Variants in PDGFC observed in about 807,000 individuals in gnomAD.
PDGFC encodes platelet-derived growth factor C.
In PDGFC, 12 loss-of-function variants were observed where a neutral mutation model predicts 35.5. The ratio of observed to expected loss-of-function variants is 0.34; its 90% confidence interval spans 0.22 to 0.55. PDGFC has a LOEUF of 0.55. PDGFC is among the 20% of genes least tolerant of loss of function. The pLI, the probability that PDGFC is intolerant of heterozygous loss-of-function variation, is 0.91. For synonymous variants in PDGFC, 159 were observed against 148.8 expected (o/e 1.07, Z -0.50); for missense variants, 322 against 412.4 (o/e 0.78, Z 1.90).
chr4:156,845,554 T>C (rs573093261), intron 2 of PDGFC, among the ~76,000 whole-genome samples: 2 of 151,914 alleles, frequency 1.3e-5, no homozygotes, highest in African/African-American at 2.4e-5. Flanking sequence ...CTCAGTAAGG[T>C]ATAAATGATT....
intron 2 of PDGFC, among the ~76,000 whole-genome samples, chr4:156,831,303 T>C (rs1172437974): frequency 7.5e-6 from 1 of 133,950 alleles, no homozygotes; most frequent in Non-Finnish European, 1.7e-5. Context: ...TAAATATAAG[T>C]ATACCTAATT....
intron 1 of PDGFC, among the ~76,000 whole-genome samples, chr4:156,956,788 A>C (rs879464354): frequency 6.6e-6 from 1 of 152,088 alleles, no homozygotes; most frequent in Non-Finnish European, 1.5e-5. Context: ...GTGAAGGAAT[A>C]ATATTTAAGC....
At chr4:156,809,071 G>T (rs1731853080) in intron 3 of PDGFC, among the ~76,000 whole-genome samples, 1 of 151,840 alleles carries the variant, frequency 6.6e-6, no homozygotes, top group Non-Finnish European at 1.5e-5. Context: ...TTAATTACAA[G>T]AACTCCTATG....
intron 4 of PDGFC, among the ~76,000 whole-genome samples, chr4:156,768,661 A>T (rs1730608228): frequency 6.6e-6 from 1 of 152,000 alleles, no homozygotes; most frequent in Admixed American, 6.6e-5. Flanking sequence ...TAACTAAACT[A>T]AACTCCTTCA....
At chr4:156,941,775 A>G (rs1304422278) in intron 1 of PDGFC, among the ~76,000 whole-genome samples, 2 of 152,142 alleles carry the variant, frequency 1.3e-5, no homozygotes, top group Non-Finnish European at 2.9e-5. Context: ...AAGATACCAT[A>G]TATTCGTTGA....
At chr4:156,879,469 G>A (rs1730191580) in intron 1 of PDGFC, among the ~76,000 whole-genome samples, 1 of 152,088 alleles carries the variant, frequency 6.6e-6, no homozygotes, top group Non-Finnish European at 1.5e-5. Flanking sequence ...TTAGTAAGAA[G>A]CCTAACAGTG....
chr4:156,843,200 C>T (rs534833022), intron 2 of PDGFC, among the ~76,000 whole-genome samples: 1 of 152,256 alleles, frequency 6.6e-6, no homozygotes, highest in African/African-American at 2.4e-5. Context: ...CACAAGAGAT[C>T]CCTCACCCAT....
At chr4:156,855,226 T>C (rs547672859) in intron 1 of PDGFC, among the ~76,000 whole-genome samples, 1 of 152,126 alleles carries the variant, frequency 6.6e-6, no homozygotes, top group Non-Finnish European at 1.5e-5. Context: ...ATATTTATTA[T>C]GGGTGAAAGA....
At chr4:156,865,866 G>T (rs568834635) in intron 1 of PDGFC, among the ~76,000 whole-genome samples, 1 of 152,256 alleles carries the variant, frequency 6.6e-6, no homozygotes, top group East Asian at 1.9e-4. Flanking sequence ...GCATAAAATA[G>T]ATTTAATTTG....
intron 1 of PDGFC, among the ~76,000 whole-genome samples, chr4:156,911,237 C>T (rs1731032297): frequency 6.6e-6 from 1 of 152,102 alleles, no homozygotes; most frequent in African/African-American, 2.4e-5. Context: ...TGTATTACAT[C>T]TCACTTAAAT....
chr4:156,838,145 CAG>C (rs945960084), intron 2 of PDGFC, among the ~76,000 whole-genome samples: 1 of 152,192 alleles, frequency 6.6e-6, no homozygotes, highest in African/African-American at 2.4e-5. Flanking sequence ...GTAGTAAAAA[CAG>C]TAACTAAATT....
chr4:156,969,670 A>C (rs1057179313), intron 1 of PDGFC, among the ~76,000 whole-genome samples: 1 of 152,204 alleles, frequency 6.6e-6, no homozygotes, highest in African/African-American at 2.4e-5. Flanking sequence ...TCCTATCTTA[A>C]TTTTGTAGGT....
chr4:156,831,876 C>T (rs1728944971), intron 2 of PDGFC, among the ~76,000 whole-genome samples: 1 of 152,138 alleles, frequency 6.6e-6, no homozygotes, highest in Non-Finnish European at 1.5e-5. Context: ...TTCATCTTCT[C>T]ACATGCTCAC....
At chr4:156,921,583 T>C (rs546376914) in intron 1 of PDGFC, among the ~76,000 whole-genome samples, 3 of 152,072 alleles carry the variant, frequency 2.0e-5, no homozygotes, top group African/African-American at 2.4e-5. Context: ...TGGGTTTTTT[T>C]CCCCTGGGTG....
chr4:156,918,445 A>G (rs1208170484), intron 1 of PDGFC, among the ~76,000 whole-genome samples: 2 of 152,212 alleles, frequency 1.3e-5, no homozygotes, highest in Non-Finnish European at 2.9e-5. Context: ...GATGTCCCTT[A>G]AATCAGGGGT....
At chr4:156,840,222 A>C (rs1221708689) in intron 2 of PDGFC, among the ~76,000 whole-genome samples, 2 of 152,070 alleles carry the variant, frequency 1.3e-5, no homozygotes, top group Admixed American at 6.5e-5. Context: ...AGGAGGGAAA[A>C]ATGGTTTTAT....
intron 1 of PDGFC, among the ~76,000 whole-genome samples, chr4:156,948,150 T>TAA (rs796601601): frequency 5.0e-5 from 4 of 79,898 alleles, no homozygotes; most frequent in Non-Finnish European, 5.1e-5. Flanking sequence ...ACAAGTGTAC[T>TAA]AAAAAAAAAA....
chr4:156,796,623 C>T (rs1241871478), intron 3 of PDGFC, among the ~76,000 whole-genome samples: 1 of 148,626 alleles, frequency 6.7e-6, no homozygotes, highest in East Asian at 2.0e-4. Context: ...ATGGATTTCA[C>T]TATAATTTTT....
chr4:156,832,627 T>C (rs1402257774), intron 2 of PDGFC, among the ~76,000 whole-genome samples: 1 of 152,170 alleles, frequency 6.6e-6, no homozygotes, highest in Non-Finnish European at 1.5e-5. Context: ...ATGGCCGTTA[T>C]TTTCTTTAAC....
Sources: gnomAD v4.1 joint callset for allele counts (sites outside exome capture counted in the v4.1 genomes callset) on GRCh38, gnomAD v4.1.1 for gene constraint, MANE v1.5 for transcripts, NCBI Gene and HGNC (gene_info 2026-07-23, HGNC 2026-07-21) for gene names.